The following SDK1 variants were observed in gnomAD, a reference collection of about 807,000 sequenced individuals.
SDK1 encodes the protein protein sidekick-1.
SDK1 carries 157 observed loss-of-function variants against 245.5 expected under a neutral mutation model. The observed-to-expected ratio is 0.64, with a 90% CI of 0.56 to 0.73. The LOEUF is 0.73. Among genes scored for constraint, SDK1 ranks in the 30% least tolerant of loss-of-function variants. The probability of loss-of-function intolerance (pLI) is 0.00; values close to 1 mark genes in which losing one functional copy is unlikely to be tolerated. For missense variants in SDK1, 3,583 were observed against 3,002.3 expected (o/e 1.19, Z -4.52); for synonymous variants, 1,647 against 1,278.5 (o/e 1.29, Z -6.15).
intron 19 of SDK1, among the ~76,000 whole-genome samples, chr7:4,064,412 C>T (rs1779738981): frequency 6.6e-6 from 1 of 152,080 alleles, no homozygotes; most frequent in African/African-American, 2.4e-5. Flanking sequence ...ATTAAAAAGA[C>T]ATAAAAAATG....
chr7:3,413,786 G>C (rs1018625333), intron 1 of SDK1, among the ~76,000 whole-genome samples: 1 of 152,172 alleles, frequency 6.6e-6, no homozygotes, highest in Non-Finnish European at 1.5e-5. Flanking sequence ...CCAGGAGTTT[G>C]AGACAGCCTT....
At chr7:3,458,961 GTT>G (rs1318627490) in intron 1 of SDK1, among the ~76,000 whole-genome samples, 1 of 152,180 alleles carries the variant, frequency 6.6e-6, no homozygotes, top group Non-Finnish European at 1.5e-5. Context: ...GGGGGAAAGA[GTT>G]TTAAGTTTCC....
chr7:3,736,386 G>T (rs904764583), intron 4 of SDK1, among the ~76,000 whole-genome samples: 1 of 152,010 alleles, frequency 6.6e-6, no homozygotes, highest in Non-Finnish European at 1.5e-5. Flanking sequence ...TCTGCCTCCC[G>T]GGTTCACGCC....
Position 3,344,803 on chromosome 7 carries a change from C to T in SDK1, c.298+42919C>T, listed in dbSNP as rs868794615. 2.0e-5 allele frequency among the ~76,000 whole-genome samples: 3 copies of T among 152,074 alleles called. 1 individual carries two copies. Among genetic ancestry groups the T allele is most frequent in the Non-Finnish European group, 4.4e-5 (3 of 68,008 alleles). On this transcript the variant is annotated intron_variant, in intron 1 of 44. Coordinates refer to ENST00000404826, the MANE Select transcript of SDK1 (RefSeq NM_152744.4). ...TGGTAGTAAGTTCTGAGAGAATGAA[C>T]GTAAAAGTTCAGCAGTCCTAAATTC... is the stretch of plus-strand genomic sequence containing the variant.
chr7:3,446,680 T>C (rs1780351723), intron 1 of SDK1, among the ~76,000 whole-genome samples: 1 of 152,204 alleles, frequency 6.6e-6, no homozygotes, highest in Admixed American at 6.5e-5. Flanking sequence ...AAGCAATACC[T>C]ATTTTCAAAC....
intron 1 of SDK1, among the ~76,000 whole-genome samples, chr7:3,569,706 C>T (rs961631617): frequency 1.6e-4 from 24 of 152,178 alleles, no homozygotes; most frequent in Non-Finnish European, 2.9e-4. Context: ...GAAATCAAAG[C>T]ACTGGGTTAA....
chr7:4,132,964 G>T (rs77999764), intron 28 of SDK1, among the ~76,000 whole-genome samples: 2 of 152,118 alleles, frequency 1.3e-5, no homozygotes, highest in Non-Finnish European at 2.9e-5. Context: ...TCTTCCATTC[G>T]TTTGCGGCTC....
intron 21 of SDK1, among the ~76,000 whole-genome samples, chr7:4,078,247 G>A (rs1356299016): frequency 6.6e-6 from 1 of 152,126 alleles, no homozygotes; most frequent in East Asian, 1.9e-4. Flanking sequence ...ACTCATCCTG[G>A]GTAGTGGCTG....
chr7:4,248,710 A>G lies in SDK1; in HGVS notation c.6381+2905A>G, dbSNP rs934191798. On this transcript the variant is annotated intron_variant, in intron 44 of 44. Coordinates refer to ENST00000404826, the MANE Select transcript of SDK1 (RefSeq NM_152744.4). ...CACACACATACATGCACACATGTAC[A>G]CACACGCACACGCACATACCCAAAT... Among the ~76,000 whole-genome samples, 13 of 152,282 alleles carry G rather than the reference A, an allele frequency of 8.5e-5. No homozygotes were observed. In the South Asian group the frequency reaches 2.1e-3, roughly 24 times the overall value.
At chr7:3,350,343 A>G (rs925987175) in intron 1 of SDK1, among the ~76,000 whole-genome samples, 6 of 152,174 alleles carry the variant, frequency 3.9e-5, no homozygotes, top group Admixed American at 6.5e-5. Flanking sequence ...CACAGTGGAA[A>G]TGGATGTGGT....
intron 1 of SDK1, among the ~76,000 whole-genome samples, chr7:3,450,872 A>G (rs1268302150): frequency 6.6e-6 from 1 of 152,184 alleles, no homozygotes; most frequent in Non-Finnish European, 1.5e-5. Context: ...GAAGACACTG[A>G]GAAGGAATGG....
At chr7:3,881,608 C>T (rs1781211444) in intron 5 of SDK1, among the ~76,000 whole-genome samples, 1 of 152,130 alleles carries the variant, frequency 6.6e-6, no homozygotes, top group African/African-American at 2.4e-5. Flanking sequence ...GATTTATATT[C>T]ATTTGGTTAT....
chr7:3,458,451 T>A (rs1780734432), intron 1 of SDK1, among the ~76,000 whole-genome samples: 1 of 152,162 alleles, frequency 6.6e-6, no homozygotes, highest in South Asian at 2.1e-4. Flanking sequence ...TTAAGTCTCC[T>A]GGATTTATCT....
chr7:3,997,788 G>A (rs1435386713), intron 14 of SDK1, among the ~76,000 whole-genome samples: 1 of 152,140 alleles, frequency 6.6e-6, no homozygotes, highest in African/African-American at 2.4e-5. Flanking sequence ...GCCCTCACTG[G>A]CCTGAAGGTG....
intron 1 of SDK1, among the ~76,000 whole-genome samples, chr7:3,598,717 G>T (rs1781153230): frequency 6.6e-6 from 1 of 152,198 alleles, no homozygotes; most frequent in Admixed American, 6.5e-5. Flanking sequence ...CACTGTGTGT[G>T]ACCTTTTGGG....
intron 4 of SDK1, among the ~76,000 whole-genome samples, chr7:3,742,478 G>T (rs1383879643): frequency 6.6e-6 from 1 of 152,062 alleles, no homozygotes; most frequent in Non-Finnish European, 1.5e-5. Context: ...ACACAAACCA[G>T]CCCTAGGAGC....
chr7:4,043,784 A>G (rs1583923170), intron 17 of SDK1, among the ~76,000 whole-genome samples: 1 of 152,002 alleles, frequency 6.6e-6, no homozygotes, highest in African/African-American at 2.4e-5. Context: ...AACATTTGAT[A>G]TTTGGTATTC....
chr7:3,400,900 G>T (rs868851691), intron 1 of SDK1, among the ~76,000 whole-genome samples: 1 of 152,154 alleles, frequency 6.6e-6, no homozygotes, highest in Admixed American at 6.5e-5. Context: ...TGCTTATGGA[G>T]CTTATCTCTA....
At chr7:3,846,196 A>T (rs1313491742) in intron 5 of SDK1, among the ~76,000 whole-genome samples, 1 of 152,064 alleles carries the variant, frequency 6.6e-6, no homozygotes, top group African/African-American at 2.4e-5. Context: ...TGCCCAACAC[A>T]TGCATGTACA....
Sources: allele counts gnomAD v4.1 joint callset (sites outside exome capture counted in the v4.1 genomes callset), GRCh38; gene constraint gnomAD v4.1.1; transcripts MANE v1.5; gene names NCBI Gene and HGNC (gene_info 2026-07-23, HGNC 2026-07-21).